CMSS1: variants seen among roughly 807,000 people sequenced by gnomAD.
The protein encoded by CMSS1 is protein CMSS1.
Under a neutral mutation model 43.5 loss-of-function variants are expected in CMSS1, and 33 were observed. That is an observed-to-expected ratio of 0.76 (90% CI 0.57 to 1.01). CMSS1 has a LOEUF of 1.01. Ranked by LOEUF, CMSS1 falls within the 50% of genes least tolerant of loss-of-function variation. CMSS1 has a pLI of 0.00. For missense variants in CMSS1, 313 were observed against 326.4 expected (o/e 0.96, Z 0.32); for synonymous variants, 115 against 117.2 (o/e 0.98, Z 0.12).
chr3:99,898,741 C>CT (rs1706340880), intron 1 of CMSS1: 1 of 147,068 alleles, frequency 6.8e-6, no homozygotes, highest in Admixed American at 6.8e-5. Flanking sequence ...ACTCCAGCCT[C>CT]GGCAGCAGAG....
At position 99,877,800 on chromosome 3, in the gene CMSS1, A is replaced by T. The variant is rs570422927; in HGVS notation, c.64+59757A>T. Among the ~76,000 whole-genome samples the T allele has an allele frequency of 1.6e-4, 24 of 152,274 alleles. No homozygotes were observed. The East Asian group carries it at 4.4e-3, about 28-fold the overall frequency. ...CAAATGAGATTAAATGACTTTTATG[A>T]AAGTTGTATGATGCATAAACACCTG... On this transcript the variant is annotated intron_variant, in intron 1 of 9. Coordinates refer to ENST00000421999, the MANE Select transcript of CMSS1 (RefSeq NM_032359.4).
intron 1 of CMSS1, among the ~76,000 whole-genome samples, chr3:99,969,904 A>T (rs1352425704): frequency 6.6e-6 from 1 of 152,220 alleles, no homozygotes; most frequent in Non-Finnish European, 1.5e-5. Flanking sequence ...AGGGACCAGG[A>T]TATTAGCAGG....
intron 1 of CMSS1, among the ~76,000 whole-genome samples, chr3:99,846,477 G>C (rs1386649866): frequency 1.3e-5 from 2 of 152,174 alleles, no homozygotes; most frequent in South Asian, 2.1e-4. Context: ...TCCTTCTAGA[G>C]TTCTGGCCCA....
intron 1 of CMSS1, among the ~76,000 whole-genome samples, chr3:99,938,574 TC>T (rs1426045019): frequency 6.6e-6 from 1 of 152,188 alleles, no homozygotes. Context: ...CACTTGCATT[TC>T]CCCCTATCTT....
At chr3:99,924,332 C>A in intron 1 of CMSS1, 1 of 1,613,766 alleles carries the variant, frequency 6.2e-7, no homozygotes. Flanking sequence ...GGTTTGCCTA[C>A]GGGATTTTTC....
In CMSS1 at chr3:100,044,453, CCAAA is replaced by C. The variant is rs546074380; in HGVS notation, c.65-102517_65-102514del. The stretch of plus-strand genomic sequence containing the variant: ...GGCTCAAAGAATGAGTAGGAGTTAG[CCAAA>C]CAGAGTATACAAGAGCATCACAGGC... On this transcript the variant is annotated intron_variant, in intron 1 of 9. Coordinates refer to ENST00000421999, the MANE Select transcript of CMSS1 (RefSeq NM_032359.4). Among the ~76,000 whole-genome samples, 11 of 152,156 alleles carry C rather than the reference CCAAA, an allele frequency of 7.2e-5. No homozygotes were observed. The South Asian group carries it at 1.9e-3, about 26-fold the overall frequency.
chr3:99,876,325 C>T lies in CMSS1; in HGVS notation c.64+58282C>T, dbSNP rs977711499. Reference sequence around the variant, plus strand: ...GCGCAGCCACACACCCCAGCTCCCGCGGATGTTCCGGCCGTGTGAACGGAC... The same window carrying T: ...GCGCAGCCACACACCCCAGCTCCCGTGGATGTTCCGGCCGTGTGAACGGAC... On this transcript the variant is annotated intron_variant, in intron 1 of 9. Coordinates refer to ENST00000421999, the MANE Select transcript of CMSS1 (RefSeq NM_032359.4). 3.8e-4 allele frequency: 183 copies of T among 485,364 alleles called. 1 individual carries two copies. Among genetic ancestry groups the T allele is most frequent in the Admixed American group, 6.4e-4 (10 of 15,656 alleles). The allele number at this position is 485,364 out of a possible 1,614,324, so 30.1% of individuals were successfully genotyped here.
At chr3:100,069,231 A>G (rs1166819757) in intron 1 of CMSS1, among the ~76,000 whole-genome samples, 1 of 152,140 alleles carries the variant, frequency 6.6e-6, no homozygotes, top group Non-Finnish European at 1.5e-5. Flanking sequence ...ATTTCTGCAC[A>G]TGGATGTTAG....
intron 1 of CMSS1, among the ~76,000 whole-genome samples, chr3:100,111,489 A>T (rs899342133): frequency 3.3e-5 from 5 of 152,312 alleles, no homozygotes; most frequent in South Asian, 2.1e-4. Context: ...CGTAATTGAT[A>T]TGCGAGTTTT....
At chr3:99,971,141 T>C (rs1006511817) in intron 1 of CMSS1, among the ~76,000 whole-genome samples, 1 of 152,026 alleles carries the variant, frequency 6.6e-6, no homozygotes, top group Admixed American at 6.5e-5. Context: ...ATCGAGACCA[T>C]CCTGGCTAAC....
rs185149321 is a variant in CMSS1, at chr3:100,114,822, A to C, written c.65-32151A>C. On this transcript the variant is annotated intron_variant, in intron 1 of 9. Coordinates refer to ENST00000421999, the MANE Select transcript of CMSS1 (RefSeq NM_032359.4). ...TGATGTAAGCCTTGTTTGTGATTTA[A>C]GTAACAAGGGCATGACCCCTTCTTT... 9 of 612,864 alleles carry C rather than the reference A, an allele frequency of 1.5e-5. No individual in the cohort carries two copies. The African/African-American group carries it at 1.7e-4, about 11-fold the overall frequency. The allele number at this position is 612,864 out of a possible 1,614,324, so 38.0% of individuals were successfully genotyped here.
At chr3:100,089,905 G>A (rs979753158) in intron 1 of CMSS1, among the ~76,000 whole-genome samples, 1 of 152,192 alleles carries the variant, frequency 6.6e-6, no homozygotes, top group Non-Finnish European at 1.5e-5. Context: ...GCTGTGAACT[G>A]TAGGAATTGA....
chr3:99,869,200 C>CA (rs1376591409), intron 1 of CMSS1, among the ~76,000 whole-genome samples: 2 of 152,146 alleles, frequency 1.3e-5, no homozygotes, highest in African/African-American at 4.8e-5. Context: ...CACTTGGAGA[C>CA]AAATTTAATT....
At chr3:100,176,550 G>T (rs538966845) in intron 9 of CMSS1, 135 bp downstream of exon 9, 2 of 604,962 alleles carry the variant, frequency 3.3e-6, no homozygotes, top group Middle Eastern at 6.3e-4. Context: ...TTTTAACTCT[G>T]AGCTAACTAT....
intron 1 of CMSS1, among the ~76,000 whole-genome samples, chr3:100,019,242 T>G (rs1710434468): frequency 6.6e-6 from 1 of 152,222 alleles, no homozygotes; most frequent in Non-Finnish European, 1.5e-5. Context: ...CATGTCTAGT[T>G]TCAGCTACTC....
intron 1 of CMSS1, chr3:99,830,412 A>C: frequency 2.3e-6 from 1 of 439,892 alleles, no homozygotes; most frequent in African/African-American, 2.0e-5. Context: ...CATTGGTATG[A>C]GTTACCTTCT....
At position 99,849,303 on chromosome 3, in the gene CMSS1, G is replaced by A. The variant is rs148447244; in HGVS notation, c.64+31260G>A. The A allele has an allele frequency of 3.9e-4, 635 of 1,614,092 alleles. 2 individuals carry two copies. The African/African-American group carries it at 7.3e-3, about 18-fold the overall frequency. ...CTTCTTTAGAAAATACTTGAGGATC[G>A]GAAATTCTTCTTCCATTGAGACTAG... On this transcript the variant is annotated intron_variant, in intron 1 of 9. Coordinates refer to ENST00000421999, the MANE Select transcript of CMSS1 (RefSeq NM_032359.4).
chr3:100,154,033 A>G (rs1419325784), intron 2 of CMSS1, among the ~76,000 whole-genome samples: 1 of 151,980 alleles, frequency 6.6e-6, no homozygotes, highest in African/African-American at 2.4e-5. Context: ...GTATTTTTGT[A>G]GAGACGGGGT....
intron 1 of CMSS1, among the ~76,000 whole-genome samples, chr3:100,021,536 G>T (rs750500749): frequency 6.6e-6 from 1 of 152,194 alleles, no homozygotes; most frequent in African/African-American, 2.4e-5. Flanking sequence ...AGAAAGAACA[G>T]AGTCAAGAAA....
Sources: gnomAD v4.1 joint callset for allele counts (sites outside exome capture counted in the v4.1 genomes callset) on GRCh38, gnomAD v4.1.1 for gene constraint, MANE v1.5 for transcripts, NCBI Gene and HGNC (gene_info 2026-07-23, HGNC 2026-07-21) for gene names.